SPAG16: variants seen among roughly 807,000 people sequenced by gnomAD.
SPAG16 encodes the protein sperm associated antigen 16, also known as sperm-associated antigen 16 protein.
A neutral mutation model predicts 80.4 loss-of-function variants in SPAG16; 86 were observed. The ratio of observed to expected loss-of-function variants is 1.07; its 90% CI spans 0.90 to 1.28. SPAG16 has a LOEUF of 1.28. Ranked by LOEUF, SPAG16 falls within the 50% of genes most tolerant of loss-of-function variation. The probability of loss-of-function intolerance (pLI) is 0.00; values close to 1 mark genes in which losing one functional copy is unlikely to be tolerated. For missense variants in SPAG16, 870 were observed against 765.3 expected, an observed-to-expected ratio of 1.14 and a Z score of -1.61; for synonymous variants, 294 against 265.9, an observed-to-expected ratio of 1.11 and a Z score of -1.03.
intron 10 of SPAG16, among the ~76,000 whole-genome samples, chr2:213,746,927 A>G (rs2067851253): frequency 6.6e-6 from 1 of 152,232 alleles, no homozygotes; most frequent in Non-Finnish European, 1.5e-5. Context: ...TCATTATTTT[A>G]GAGTGTACTC....
chr2:213,731,904 A>G (rs746673825), intron 10 of SPAG16, among the ~76,000 whole-genome samples: 4 of 152,062 alleles, frequency 2.6e-5, no homozygotes, highest in Admixed American at 2.0e-4. Flanking sequence ...GCTATGCAGG[A>G]GCTCTTTAGG....
chr2:213,691,896 A>AATG (rs1428164035), intron 10 of SPAG16, among the ~76,000 whole-genome samples: 1 of 152,214 alleles, frequency 6.6e-6, no homozygotes, highest in Admixed American at 6.5e-5. Context: ...AATATTTGTA[A>AATG]AAGTAATGAA....
chr2:213,769,780 A>G (rs959990711), intron 10 of SPAG16, among the ~76,000 whole-genome samples: 2 of 152,188 alleles, frequency 1.3e-5, no homozygotes, highest in Non-Finnish European at 2.9e-5. Flanking sequence ...AGACGTGTAC[A>G]GTTTGATCAT....
chr2:213,369,960 T>C (rs1164681028), intron 8 of SPAG16, among the ~76,000 whole-genome samples: 2 of 152,208 alleles, frequency 1.3e-5, no homozygotes, highest in Non-Finnish European at 2.9e-5. Flanking sequence ...GTACGTTCTG[T>C]GGAATTCAAC....
intron 15 of SPAG16, among the ~76,000 whole-genome samples, chr2:214,265,191 A>G (rs185947987): frequency 3.9e-5 from 6 of 152,248 alleles, no homozygotes; most frequent in Non-Finnish European, 8.8e-5. Context: ...CTGTTTGCCA[A>G]AGTGGATGTA....
chr2:213,893,737 C>G (rs2076882467), intron 11 of SPAG16, among the ~76,000 whole-genome samples: 2 of 151,254 alleles, frequency 1.3e-5, no homozygotes, highest in Non-Finnish European at 2.9e-5. Context: ...ATACAAAAGC[C>G]TATAATAGAT....
chr2:213,374,910 T>TA, intron 8 of SPAG16, 100 bp from the exon 9 acceptor site: 1 of 757,782 alleles, frequency 1.3e-6, no homozygotes, highest in Non-Finnish European at 2.1e-6. Flanking sequence ...TTTTTAAAAA[T>TA]ACATGCATCA....
intron 15 of SPAG16, among the ~76,000 whole-genome samples, chr2:214,385,966 C>A (rs1700725834): frequency 6.6e-6 from 1 of 152,198 alleles, no homozygotes; most frequent in South Asian, 2.1e-4. Flanking sequence ...TTGCTGGTTT[C>A]CATTTGCTTT....
chr2:213,600,246 A>G (rs2061016496), intron 10 of SPAG16, among the ~76,000 whole-genome samples: 1 of 152,134 alleles, frequency 6.6e-6, no homozygotes, highest in Non-Finnish European at 1.5e-5. Flanking sequence ...CTCCATTTCA[A>G]GAAACCTAAC....
intron 7 of SPAG16, among the ~76,000 whole-genome samples, chr2:213,360,860 C>A (rs376762765): frequency 6.0e-4 from 91 of 152,214 alleles, no homozygotes; most frequent in African/African-American, 2.1e-3. Flanking sequence ...GATGCAGTTA[C>A]GCTTTGAGAA....
At chr2:213,620,383 C>G (rs2061736321) in intron 10 of SPAG16, among the ~76,000 whole-genome samples, 1 of 146,426 alleles carries the variant, frequency 6.8e-6, no homozygotes, top group Non-Finnish European at 1.5e-5. Flanking sequence ...AGCTCTGCCT[C>G]CCAAGTTCAC....
At chr2:213,996,565 CTT>C (rs57100155) in intron 12 of SPAG16, among the ~76,000 whole-genome samples, 13 of 116,974 alleles carry the variant, frequency 1.1e-4, no homozygotes, top group Admixed American at 1.8e-4. Flanking sequence ...TAATGCTATT[CTT>C]TTTTTTTTTT....
In SPAG16 at chr2:213,871,863, CACACACACACACACACAG is replaced by C. The variant is rs1454563321; in HGVS notation, c.1214+9237_1214+9254del. Reference sequence around the variant, plus strand: ...TCACACACACACACACACACACACACACACACACACACACACAGAGAGAGAGAGAGAGAGAGCAAACAG... The same window carrying C: ...TCACACACACACACACACACACACACAGAGAGAGAGAGAGAGAGCAAACAG... On this transcript the variant is annotated intron_variant, in intron 11 of 15. Transcript: ENST00000331683. 1.7e-3 allele frequency among the ~76,000 whole-genome samples: 96 copies of C among 56,120 alleles called. 2 individuals carry two copies. The Admixed American group carries it at 0.023, about 13-fold the overall frequency. 36.8% of individuals were successfully genotyped at this position (56,120 alleles called of 152,430 possible). A position where few individuals can be genotyped will look rare whatever the true frequency, so the allele number is the denominator to read the frequency against.
At chr2:213,870,428 A>G (rs896442528) in intron 11 of SPAG16, among the ~76,000 whole-genome samples, 9 of 152,198 alleles carry the variant, frequency 5.9e-5, no homozygotes, top group Non-Finnish European at 1.3e-4. Flanking sequence ...TATTATAGAT[A>G]AATAAATAAA....
intron 9 of SPAG16, among the ~76,000 whole-genome samples, chr2:213,451,765 A>C (rs576013679): frequency 6.6e-6 from 1 of 152,100 alleles, no homozygotes; most frequent in Non-Finnish European, 1.5e-5. Context: ...GGTGTGCCGT[A>C]TGTTGAGGGC....
chr2:214,218,710 C>T (rs2058493149), intron 15 of SPAG16, among the ~76,000 whole-genome samples: 2 of 152,158 alleles, frequency 1.3e-5, no homozygotes, highest in Admixed American at 1.3e-4. Context: ...ATGACATTTA[C>T]AGTTTCACAA....
At chr2:214,234,074 TC>T (rs112579129) in intron 15 of SPAG16, among the ~76,000 whole-genome samples, 4 of 151,238 alleles carry the variant, frequency 2.6e-5, no homozygotes, top group African/African-American at 7.3e-5. Context: ...ATGTGTTGTT[TC>T]CCCCCCCATG....
chr2:213,630,744 G>A (rs971591854), intron 10 of SPAG16, among the ~76,000 whole-genome samples: 1 of 152,122 alleles, frequency 6.6e-6, no homozygotes, highest in Admixed American at 6.6e-5. Context: ...AAGGTAGTAA[G>A]GGCAGAGAGT....
At chr2:214,081,684 C>T (rs2051401212) in intron 13 of SPAG16, among the ~76,000 whole-genome samples, 1 of 152,162 alleles carries the variant, frequency 6.6e-6, no homozygotes, top group Admixed American at 6.5e-5. Flanking sequence ...AAATTCATTT[C>T]TGTTGTTTTA....
Sources: gnomAD v4.1 joint callset for allele counts (sites outside exome capture counted in the v4.1 genomes callset) on GRCh38, gnomAD v4.1.1 for gene constraint, MANE v1.5 for transcripts, NCBI Gene and HGNC (gene_info 2026-07-23, HGNC 2026-07-21) for gene names.